The following EPS15L1 variants were observed in gnomAD, a reference collection of about 807,000 sequenced individuals.
EPS15L1 encodes the protein epidermal growth factor receptor pathway substrate 15 like 1.
EPS15L1 carries 43 observed loss-of-function variants against 117.1 expected under a neutral mutation model. The observed-to-expected ratio is 0.37, with a 90% CI of 0.29 to 0.47. The LOEUF is 0.47. Among genes scored for constraint, EPS15L1 ranks in the 20% least tolerant of loss-of-function variants. The probability of loss-of-function intolerance (pLI) is 0.99; values close to 1 mark genes in which losing one functional copy is unlikely to be tolerated. For missense variants in EPS15L1, 981 were observed against 1,164.0 expected (o/e 0.84, Z 2.29); for synonymous variants, 459 against 470.5 (o/e 0.98, Z 0.32).
chr19:16,471,850 C>T lies in EPS15L1; in HGVS notation c.33+63G>A. 9.4e-7 allele frequency: 1 copy of T among 1,061,820 alleles called. No homozygotes were observed. The highest frequency in any genetic ancestry group is 1.2e-6 in the Non-Finnish European group (1 of 812,246). The allele number at this position is 1,061,820 out of a possible 1,614,324, so 65.8% of individuals were successfully genotyped here. Reference sequence around the variant, plus strand: ...GCTGAGTCTCCCAGCGCCTCAGCCTCGCCGCACCGCTCGCCTCGCGCCCCG... The same window carrying T: ...GCTGAGTCTCCCAGCGCCTCAGCCTTGCCGCACCGCTCGCCTCGCGCCCCG... On this transcript the variant is annotated intron_variant, in intron 1 of 23. Transcript: ENST00000455140. This position sits in a 1 kb window ranked among gnomAD's most constrained non-coding sequence, Gnocchi z 4.8.
intron 20 of EPS15L1, 36 bp from the exon 21 acceptor site, chr19:16,385,247 C>T (rs2092407895): frequency 1.6e-5 from 25 of 1,570,906 alleles, no homozygotes; most frequent in Non-Finnish European, 2.2e-5. Flanking sequence ...AGTTACAGGT[C>T]TTTAAGAGAA....
At chr19:16,385,671 C>T (rs773973167) in intron 20 of EPS15L1, among the ~76,000 whole-genome samples, 37 of 152,278 alleles carry the variant, frequency 2.4e-4, no homozygotes, top group Middle Eastern at 3.4e-3. Flanking sequence ...CACTGCTACC[C>T]GCCCCACGCA....
At position 16,355,855 on chromosome 19, in the gene EPS15L1, C is replaced by T; in HGVS notation, c.2587-4G>A. On this transcript the variant is annotated splice_polypyrimidine_tract_variant and splice_region_variant and intron_variant, in intron 23 of 23. Coordinates refer to ENST00000455140, the MANE Select transcript of EPS15L1 (RefSeq NM_001258374.3). ...GCTGCTGCTCCTCATTGCCAAACTGCAAAGGAAAAACGGAGAGTGGGTGAT... is the reference window on the plus strand; with the variant it reads ...GCTGCTGCTCCTCATTGCCAAACTGTAAAGGAAAAACGGAGAGTGGGTGAT... 6.5e-7 allele frequency: 1 copy of T among 1,535,312 alleles called. No individual in the cohort carries two copies.
chr19:16,412,464 C>T (rs987517981), intron 13 of EPS15L1, among the ~76,000 whole-genome samples: 29 of 151,578 alleles, frequency 1.9e-4, no homozygotes, highest in African/African-American at 5.8e-4. Flanking sequence ...CGTGCCACTG[C>T]ACTCCAGCCT....
chr19:16,412,432 G>A lies in EPS15L1; in HGVS notation c.1266+1341C>T, dbSNP rs781427138. ...GGGGAATCGCTTGAACCCAGGAGGC[G>A]GAAATTGCAGTGAGCTGAGATCGTG... On this transcript the variant is annotated intron_variant, in intron 13 of 23. Transcript: ENST00000455140. 3.6e-4 allele frequency among the ~76,000 whole-genome samples: 54 copies of A among 151,728 alleles called. 1 individual carries two copies. The highest frequency in any genetic ancestry group is 1.4e-3 in the East Asian group (7 of 5,174).
At chr19:16,410,740 G>C (rs1217928177) in intron 13 of EPS15L1, among the ~76,000 whole-genome samples, 1 of 151,714 alleles carries the variant, frequency 6.6e-6, no homozygotes, top group East Asian at 1.9e-4. Flanking sequence ...GTGAGACCTT[G>C]TCGCTGCAAA....
rs2092308166 is a variant in EPS15L1 at position 16,377,234 on chromosome 19, G to A, written c.2268C>T (p.Phe756=). ...QMSKPPPSGP[F]TSSLGGAGFS... The stretch of plus-strand genomic sequence containing the variant: ...ATCCTGCCCCTCCCAAGGAGGAGGT[G>A]AAAGGGCCAGAAGGTGGGGGCTGTA... Residue 756 remains phenylalanine (F), a synonymous_variant, in exon 22 of 24, where the codon TTC becomes TTT. Transcript: ENST00000455140. The A allele has an allele frequency of 6.2e-7, 1 of 1,612,534 alleles. No homozygotes were observed. The highest frequency in any genetic ancestry group is 1.3e-5 in the African/African-American group (1 of 74,924).
chr19:16,411,758 A>T (rs1285127628), intron 13 of EPS15L1, among the ~76,000 whole-genome samples: 1 of 152,152 alleles, frequency 6.6e-6, no homozygotes, highest in Non-Finnish European at 1.5e-5. Flanking sequence ...GGAGTGCAGT[A>T]GTGCAATCAC....
intron 19 of EPS15L1, among the ~76,000 whole-genome samples, chr19:16,387,679 T>G (rs976433058): frequency 6.6e-6 from 1 of 152,130 alleles, no homozygotes; most frequent in Non-Finnish European, 1.5e-5. Flanking sequence ...GGCAGAAGAA[T>G]GGCTTGAACC....
chr19:16,467,569 A>G (rs749373763), intron 1 of EPS15L1, among the ~76,000 whole-genome samples: 8 of 152,226 alleles, frequency 5.3e-5, no homozygotes, highest in Admixed American at 1.3e-4. Context: ...GTGCAGGTCA[A>G]TAAGTGACAG....
chr19:16,415,920 G>C (rs1353307231), intron 12 of EPS15L1, among the ~76,000 whole-genome samples: 1 of 152,220 alleles, frequency 6.6e-6, no homozygotes, highest in Non-Finnish European at 1.5e-5. Context: ...CCTCAGCCTT[G>C]TCAGGCTGCA....
chr19:16,367,219 C>A (rs1402663131), intron 22 of EPS15L1, among the ~76,000 whole-genome samples: 2 of 151,212 alleles, frequency 1.3e-5, no homozygotes, highest in African/African-American at 4.9e-5. Flanking sequence ...TGCCATCAAT[C>A]CTAGATATTT....
At chr19:16,377,806 T>C (rs2092314453) in intron 21 of EPS15L1, among the ~76,000 whole-genome samples, 1 of 152,124 alleles carries the variant, frequency 6.6e-6, no homozygotes, top group Non-Finnish European at 1.5e-5. Flanking sequence ...GCACCTCAGG[T>C]GGAAGTGCAT....
intron 22 of EPS15L1, among the ~76,000 whole-genome samples, chr19:16,364,580 C>T (rs1422119887): frequency 6.6e-6 from 1 of 152,212 alleles, no homozygotes; most frequent in East Asian, 1.9e-4. Context: ...TTGAGACGGC[C>T]TCCCATGCAG....
rs2093038329 is a variant in EPS15L1, at chr19:16,442,164, T to C, written c.75+14A>G. ...TGCTCTAGTTCCATCTGAAGAGACA[T>C]CAGCTAAACTTACCTGCTTGTAATA... is the stretch of plus-strand genomic sequence containing the variant. On this transcript the variant is annotated intron_variant, in intron 2 of 23. Transcript: ENST00000455140. 5 of 1,609,754 alleles carry C rather than the reference T, an allele frequency of 3.1e-6. No homozygotes were observed. The highest frequency in any genetic ancestry group is 4.3e-6 in the Non-Finnish European group (5 of 1,175,952).
intron 9 of EPS15L1, 77 bp downstream of exon 9, chr19:16,425,006 G>A: frequency 8.1e-7 from 1 of 1,230,166 alleles, no homozygotes; most frequent in Non-Finnish European, 1.2e-6. Flanking sequence ...GACCGTTCTG[G>A]GGTTGCATGT....
At chr19:16,360,680 G>A (rs1053290281) in intron 23 of EPS15L1, among the ~76,000 whole-genome samples, 2 of 152,118 alleles carry the variant, frequency 1.3e-5, no homozygotes, top group Non-Finnish European at 2.9e-5. Context: ...CCAGGAATTC[G>A]AGGTTACAAG....
chr19:16,401,567 G>C, intron 16 of EPS15L1: 2 of 985,634 alleles, frequency 2.0e-6, no homozygotes, highest in South Asian at 9.4e-5. Context: ...GCACCAAGAC[G>C]AAATGGGAAA....
chr19:16,401,130 G>A (rs920989277), intron 16 of EPS15L1: 1 of 985,428 alleles, frequency 1.0e-6, no homozygotes, highest in African/African-American at 1.7e-5. Context: ...GGGCCCGGGG[G>A]CGGCTATGGA....
Sources: gnomAD v4.1 joint callset for allele counts (sites outside exome capture counted in the v4.1 genomes callset) on GRCh38, gnomAD v4.1.1 for gene constraint, Gnocchi (gnomAD v3.1) non-coding constraint, MANE v1.5 for transcripts, NCBI Gene and HGNC (gene_info 2026-07-23, HGNC 2026-07-21) for gene names.